Variants in CTNNA3 observed in about 807,000 individuals in gnomAD.
CTNNA3 encodes catenin alpha-3.
A neutral mutation model predicts 95.7 loss-of-function variants in CTNNA3; 76 were observed. The ratio of observed to expected loss-of-function variants is 0.79; its 90% CI spans 0.66 to 0.96. The LOEUF (loss-of-function observed/expected upper bound fraction) is 0.96, where lower values mean the gene tolerates loss of function less well. Among genes scored for constraint, CTNNA3 ranks in the 40% least tolerant of loss-of-function variants. The probability of loss-of-function intolerance (pLI) is 0.00; values close to 1 mark genes in which losing one functional copy is unlikely to be tolerated. For synonymous variants in CTNNA3, 431 were observed against 374.4 expected (o/e 1.15, Z -1.74); for missense variants, 1,191 against 1,089.8 (o/e 1.09, Z -1.31).
chr10:66,035,330 C>T (rs891393200), intron 15 of CTNNA3, among the ~76,000 whole-genome samples: 1 of 152,088 alleles, frequency 6.6e-6, no homozygotes, highest in African/African-American at 2.4e-5. Context: ...CACTTTTCCT[C>T]TCACCTCCAT....
Position 67,362,941 on chromosome 10 carries a change from A to G in CTNNA3, c.580-143071T>C, listed in dbSNP as rs537940400. Among the ~76,000 whole-genome samples the G allele has an allele frequency of 3.7e-4, 56 of 152,154 alleles. No individual in the cohort carries two copies. The South Asian group carries it at 5.0e-3, about 14-fold the overall frequency. ...ATACAAAATCAACGTATTAAAATCA[A>G]TAACATTTCTATACACCAATAACAC... On this transcript the variant is annotated intron_variant, in intron 5 of 17. Transcript: ENST00000433211.
chr10:67,302,977 C>T (rs1840386104), intron 5 of CTNNA3, among the ~76,000 whole-genome samples: 1 of 152,200 alleles, frequency 6.6e-6, no homozygotes. Flanking sequence ...ACCAACATCA[C>T]CTGGGAACCT....
intron 9 of CTNNA3, among the ~76,000 whole-genome samples, chr10:66,713,837 A>G (rs1848370182): frequency 6.6e-6 from 1 of 152,112 alleles, no homozygotes; most frequent in South Asian, 2.1e-4. Context: ...ATATTTCAAC[A>G]TATGGAAGGA....
intron 17 of CTNNA3, among the ~76,000 whole-genome samples, chr10:65,958,688 G>A (rs557719042): frequency 4.9e-4 from 75 of 152,326 alleles, no homozygotes; most frequent in African/African-American, 1.7e-3. Context: ...GATATCACCA[G>A]AGGAGGCTGC....
At chr10:67,270,124 A>G (rs932893027) in intron 5 of CTNNA3, among the ~76,000 whole-genome samples, 7 of 140,588 alleles carry the variant, frequency 5.0e-5, no homozygotes, top group African/African-American at 1.9e-4. Flanking sequence ...CACCACCAGT[A>G]TTTGTCAAAA....
Position 66,530,145 on chromosome 10 carries a change from T to G in CTNNA3, c.1375-9372A>C, listed in dbSNP as rs1292987578. On this transcript the variant is annotated intron_variant, in intron 10 of 17. Coordinates refer to ENST00000433211, the MANE Select transcript of CTNNA3 (RefSeq NM_013266.4). ...CATTGATACAAATAATCTTAAAAATTTTACTTAATATAACAAAAGCACTTT... is the reference window on the plus strand; with the variant it reads ...CATTGATACAAATAATCTTAAAAATGTTACTTAATATAACAAAAGCACTTT... Among the ~76,000 whole-genome samples the G allele has an allele frequency of 2.0e-5, 3 of 152,168 alleles. No homozygotes were observed. In the East Asian group the frequency reaches 5.8e-4, roughly 29 times the overall value.
chr10:66,539,359 T>C (rs1245495070), intron 10 of CTNNA3, among the ~76,000 whole-genome samples: 1 of 152,080 alleles, frequency 6.6e-6, no homozygotes, highest in Admixed American at 6.6e-5. Flanking sequence ...AATGAATGTT[T>C]GAAGAGAAAA....
chr10:66,286,646 T>A (rs1277498366), intron 12 of CTNNA3, among the ~76,000 whole-genome samples: 1 of 152,010 alleles, frequency 6.6e-6, no homozygotes, highest in African/African-American at 2.4e-5. Flanking sequence ...TGCAGAGGTT[T>A]AAAAGGTACA....
At chr10:67,479,679 T>C (rs1848144936) in intron 5 of CTNNA3, among the ~76,000 whole-genome samples, 1 of 151,898 alleles carries the variant, frequency 6.6e-6, no homozygotes, top group African/African-American at 2.4e-5. Context: ...CTAGAGGAAC[T>C]GGAAAAACAG....
At chr10:67,256,580 T>A (rs1003475888) in intron 5 of CTNNA3, among the ~76,000 whole-genome samples, 1 of 152,164 alleles carries the variant, frequency 6.6e-6, no homozygotes, top group Non-Finnish European at 1.5e-5. Flanking sequence ...TTCCCTAAAG[T>A]CTCTTTATCC....
chr10:67,530,720 C>T (rs1564718888), intron 4 of CTNNA3, among the ~76,000 whole-genome samples: 1 of 152,142 alleles, frequency 6.6e-6, no homozygotes, highest in Non-Finnish European at 1.5e-5. Flanking sequence ...TAATGAGGAG[C>T]CAAATATTAA....
intron 7 of CTNNA3, among the ~76,000 whole-genome samples, chr10:66,969,399 AATT>A (rs1325043843): frequency 6.6e-6 from 1 of 152,146 alleles, no homozygotes; most frequent in African/African-American, 2.4e-5. Context: ...GCAATAATTG[AATT>A]ATTATGCTAT....
chr10:67,505,283 A>G (rs953884995), intron 5 of CTNNA3, among the ~76,000 whole-genome samples: 35 of 152,246 alleles, frequency 2.3e-4, no homozygotes, highest in Admixed American at 2.3e-3. Context: ...GATGATCATT[A>G]TCAAACTTTC....
chr10:66,069,449 ATCTTT>A lies in CTNNA3; in HGVS notation c.2013_2017del (p.Glu671AspfsTer3). 1 of 1,613,276 alleles carries A rather than the reference ATCTTT, an allele frequency of 6.2e-7. No homozygotes were observed. The highest frequency in any genetic ancestry group is 1.7e-4 in the Middle Eastern group (1 of 6,054). ...CTTGAAATCAGCAACTTGCTCAGCA[ATCTTT>A]TCTTTTTCTGCCTCAGGCAGTTGAG... On this transcript the variant is annotated frameshift_variant, in exon 15 of 18. Coordinates refer to ENST00000433211, the MANE Select transcript of CTNNA3 (RefSeq NM_013266.4). LOFTEE classifies it high-confidence loss of function.
intron 4 of CTNNA3, among the ~76,000 whole-genome samples, chr10:67,527,875 T>C (rs929563747): frequency 1.6e-4 from 24 of 152,352 alleles, no homozygotes; most frequent in African/African-American, 5.5e-4. Flanking sequence ...CTGTTTATTA[T>C]GAGAGTCTTT....
chr10:66,298,107 T>C (rs4354602), intron 12 of CTNNA3, among the ~76,000 whole-genome samples: 1 of 151,948 alleles, frequency 6.6e-6, no homozygotes, highest in Non-Finnish European at 1.5e-5. Flanking sequence ...GCAGAAATCA[T>C]GAAAGCAGCA....
chr10:67,662,300 T>C (rs1195390826), intron 1 of CTNNA3, among the ~76,000 whole-genome samples: 2 of 152,212 alleles, frequency 1.3e-5, no homozygotes, highest in African/African-American at 2.4e-5. Flanking sequence ...ATTTTAGCAA[T>C]ATATTGCAAT....
intron 10 of CTNNA3, among the ~76,000 whole-genome samples, chr10:66,553,516 T>TA: frequency 7.7e-6 from 1 of 129,048 alleles, no homozygotes; most frequent in East Asian, 2.3e-4. Flanking sequence ...ACAATACTTT[T>TA]CTTTTTTTTT....
chr10:66,409,352 T>C (rs2093082791), intron 11 of CTNNA3, among the ~76,000 whole-genome samples: 1 of 152,028 alleles, frequency 6.6e-6, no homozygotes. Flanking sequence ...TCACTTCACC[T>C]CATCTCATCC....
Sources: gnomAD v4.1 joint callset for allele counts (sites outside exome capture counted in the v4.1 genomes callset) on GRCh38, gnomAD v4.1.1 for gene constraint, MANE v1.5 for transcripts, NCBI Gene and HGNC (gene_info 2026-07-23, HGNC 2026-07-21) for gene names.